The following KCNK18 variants were observed in gnomAD, a reference collection of about 807,000 sequenced individuals.
KCNK18 encodes potassium two pore domain channel subfamily K member 18.
Under a neutral mutation model 11.8 loss-of-function variants are expected in KCNK18, and 8 were observed. That is an observed-to-expected ratio of 0.68 (90% CI 0.40 to 1.22). The LOEUF (loss-of-function observed/expected upper bound fraction) is 1.22. KCNK18 is among the 50% of genes most tolerant of loss of function. The pLI, the probability that KCNK18 is intolerant of heterozygous loss-of-function variation, is 0.01. For missense variants in KCNK18, 442 were observed against 465.4 expected (o/e 0.95, Z 0.46); for synonymous variants, 208 against 185.8 (o/e 1.12, Z -0.97).
At chr10:117,205,559 A>G (rs1363218577) in intron 2 of KCNK18, among the ~76,000 whole-genome samples, 2 of 151,996 alleles carry the variant, frequency 1.3e-5, no homozygotes, top group Non-Finnish European at 2.9e-5. Context: ...CCTTTCAGGC[A>G]CTCCAATCCA....
At chr10:117,205,924 C>A (rs909497317) in intron 2 of KCNK18, among the ~76,000 whole-genome samples, 1 of 152,008 alleles carries the variant, frequency 6.6e-6, no homozygotes, top group Non-Finnish European at 1.5e-5. Flanking sequence ...GTGGTGGGTG[C>A]CTGTAGTCCC....
In KCNK18 at chr10:117,202,885, G is replaced by GTTTTTTTTTTTTTTTTTTTTTTTTTTT. The variant is rs750157980; in HGVS notation, c.352+1598_352+1599insTTTTTTTTTTTTTTTTTTTTTTTTTTT. On this transcript the variant is annotated intron_variant, in intron 2 of 2. Coordinates refer to ENST00000334549, the MANE Select transcript of KCNK18 (RefSeq NM_181840.1). ...CGTGGTTTCTCCCATTTGCCTGAATGCTTTTTTTTTTTTTTTTTTTTTTGA... is the reference window on the plus strand; with the variant it reads ...CGTGGTTTCTCCCATTTGCCTGAATGTTTTTTTTTTTTTTTTTTTTTTTTTTTCTTTTTTTTTTTTTTTTTTTTTTGA... Among the ~76,000 whole-genome samples the GTTTTTTTTTTTTTTTTTTTTTTTTTTT allele has an allele frequency of 6.3e-5, 7 of 111,294 alleles. 3 individuals are homozygous for GTTTTTTTTTTTTTTTTTTTTTTTTTTT. Among genetic ancestry groups the GTTTTTTTTTTTTTTTTTTTTTTTTTTT allele is most frequent in the African/African-American group, 3.6e-5 (1 of 27,642 alleles). 73.0% of individuals were successfully genotyped at this position (111,294 alleles called of 152,430 possible). A position where few individuals can be genotyped will look rare whatever the true frequency, so the allele number is the denominator to read the frequency against.
chr10:117,207,415 C>A (rs916930336), intron 2 of KCNK18, among the ~76,000 whole-genome samples: 17 of 152,298 alleles, frequency 1.1e-4, no homozygotes, highest in Non-Finnish European at 1.6e-4. Context: ...ATTACATACT[C>A]ATTAGTGTGG....
chr10:117,206,320 T>C (rs1238509667), intron 2 of KCNK18, among the ~76,000 whole-genome samples: 1 of 152,134 alleles, frequency 6.6e-6, no homozygotes, highest in Non-Finnish European at 1.5e-5. Context: ...ACATCACTCT[T>C]GTCTCTGCCT....
At position 117,201,300 on chromosome 10, in the gene KCNK18, C is replaced by T. The variant is rs776446054; in HGVS notation, c.352+13C>T. 15 of 1,611,838 alleles carry T rather than the reference C, an allele frequency of 9.3e-6. No individual in the cohort carries two copies. Among genetic ancestry groups the T allele is most frequent in the Middle Eastern group, 1.8e-4 (1 of 5,486 alleles). ...TTCAGCACCGTGGGTAAGTGCAAAG[C>T]CACAGTCCCCCTCACGGTGGCCCTG... On this transcript the variant is annotated intron_variant, in intron 2 of 2. Coordinates refer to ENST00000334549, the MANE Select transcript of KCNK18 (RefSeq NM_181840.1).
Position 117,202,886 on chromosome 10 carries a change from CTTTTTTTTTT to C in KCNK18, c.352+1612_352+1621del, listed in dbSNP as rs201850637. On this transcript the variant is annotated intron_variant, in intron 2 of 2. Transcript: ENST00000334549. ...GTGGTTTCTCCCATTTGCCTGAATG[CTTTTTTTTTT>C]TTTTTTTTTTTTGAGATGGAGTCTT... Among the ~76,000 whole-genome samples, 5 of 122,996 alleles carry C rather than the reference CTTTTTTTTTT, an allele frequency of 4.1e-5. No individual in the cohort carries two copies. In the East Asian group the frequency reaches 7.1e-4, roughly 18 times the overall value. 80.7% of individuals were successfully genotyped at this position (122,996 alleles called of 152,430 possible).
At chr10:117,202,885 GCTTTTTTTT>G (rs745514359) in intron 2 of KCNK18, among the ~76,000 whole-genome samples, 5 of 111,294 alleles carry the variant, frequency 4.5e-5, no homozygotes, top group Admixed American at 2.1e-4. Context: ...TTGCCTGAAT[GCTTTTTTTT>G]TTTTTTTTTT....
intron 1 of KCNK18, among the ~76,000 whole-genome samples, chr10:117,200,473 G>C (rs1035311992): frequency 6.6e-6 from 1 of 151,862 alleles, no homozygotes; most frequent in Non-Finnish European, 1.5e-5. Context: ...TAGTACTTGA[G>C]AACCCTGTGT....
intron 2 of KCNK18, among the ~76,000 whole-genome samples, chr10:117,207,413 C>T (rs1443189813): frequency 1.3e-5 from 2 of 152,172 alleles, no homozygotes; most frequent in Non-Finnish European, 2.9e-5. Flanking sequence ...TAATTACATA[C>T]TCATTAGTGT....
chr10:117,201,335 G>A (rs756723721), intron 2 of KCNK18, 48 bp downstream of exon 2: 2 of 1,604,300 alleles, frequency 1.2e-6, no homozygotes, highest in South Asian at 1.1e-5. Context: ...GTGAAGGGTG[G>A]GTTTCTGGGT....
At chr10:117,198,017 C>T (rs994873336) in intron 1 of KCNK18, among the ~76,000 whole-genome samples, 1 of 152,114 alleles carries the variant, frequency 6.6e-6, no homozygotes, top group Non-Finnish European at 1.5e-5. Flanking sequence ...AGACCAGTGG[C>T]CTCAGGGGAC....
At position 117,209,557 on chromosome 10, in the gene KCNK18, T is replaced by G; in HGVS notation, c.413T>G (p.Leu138Arg). ...LGKYLCMLYA[L>R]FGIPLMFLVL... is the part of the protein sequence containing the mutation. The stretch of plus-strand genomic sequence containing the variant: ...AAGTACTTGTGCATGCTCTATGCTC[T>G]CTTTGGTATCCCCCTGATGTTCCTC... Residue 138 changes from leucine (L) to arginine (R), a missense_variant, in exon 3 of 3, where the codon CTC becomes CGC. Leu to Arg is a moderately radical substitution (Grantham distance 102, BLOSUM62 -2). Transcript: ENST00000334549. The G allele has an allele frequency of 6.2e-7, 1 of 1,614,208 alleles. No individual in the cohort carries two copies. The highest frequency in any genetic ancestry group is 8.5e-7 in the Non-Finnish European group (1 of 1,180,044).
At chr10:117,201,123 C>T (rs1380620939) in intron 1 of KCNK18, 36 bp from the exon 2 acceptor site, 4 of 1,613,696 alleles carry the variant, frequency 2.5e-6, no homozygotes, top group South Asian at 2.2e-5. Flanking sequence ...ACCAGCAGAA[C>T]CTTTTCCTCA....
intron 2 of KCNK18, among the ~76,000 whole-genome samples, chr10:117,202,999 C>A (rs754978611): frequency 6.7e-6 from 1 of 148,654 alleles, no homozygotes; most frequent in Non-Finnish European, 1.5e-5. Flanking sequence ...GTCTCAGTCC[C>A]CAAGTAGCTG....
chr10:117,201,670 C>A (rs1855015662), intron 2 of KCNK18, among the ~76,000 whole-genome samples: 1 of 152,208 alleles, frequency 6.6e-6, no homozygotes, highest in African/African-American at 2.4e-5. Flanking sequence ...TTTCTATGCA[C>A]CTGGCACATA....
At chr10:117,199,955 G>A (rs570687247) in intron 1 of KCNK18, among the ~76,000 whole-genome samples, 1 of 152,324 alleles carries the variant, frequency 6.6e-6, no homozygotes, top group Admixed American at 6.5e-5. Context: ...TCCCAACCCT[G>A]CTCTGTTAGC....
At chr10:117,203,125 T>A (rs1028005006) in intron 2 of KCNK18, among the ~76,000 whole-genome samples, 1 of 151,824 alleles carries the variant, frequency 6.6e-6, no homozygotes, top group African/African-American at 2.4e-5. Context: ...GATCTGCCCA[T>A]CTCGGCCTCC....
At chr10:117,208,245 C>T (rs1855100618) in intron 2 of KCNK18, among the ~76,000 whole-genome samples, 1 of 152,168 alleles carries the variant, frequency 6.6e-6, no homozygotes, top group Admixed American at 6.5e-5. Context: ...AGTTTCCCCA[C>T]CTGTGGATGG....
At position 117,197,716 on chromosome 10, in the gene KCNK18, G is replaced by C; in HGVS notation, c.223+5G>C. ...TCTTGAACTGCAGTGAAACAGGTAG[G>C]TGCCTCACCTGGACAGGGTGGGCCT... On this transcript the variant is annotated splice_donor_5th_base_variant and intron_variant, in intron 1 of 2. Coordinates refer to ENST00000334549, the MANE Select transcript of KCNK18 (RefSeq NM_181840.1). The C allele has an allele frequency of 6.2e-7, 1 of 1,613,430 alleles. No individual in the cohort carries two copies. The highest frequency in any genetic ancestry group is 1.3e-5 in the African/African-American group (1 of 75,040).
Sources: gnomAD v4.1 joint callset for allele counts (sites outside exome capture counted in the v4.1 genomes callset) on GRCh38, gnomAD v4.1.1 for gene constraint, MANE v1.5 for transcripts, NCBI Gene and HGNC (gene_info 2026-07-23, HGNC 2026-07-21) for gene names.